JMJD1C: variants seen among roughly 807,000 people sequenced by gnomAD.
JMJD1C encodes the protein jumonji domain-containing protein 1C.
JMJD1C carries 31 observed loss-of-function variants against 245.3 expected under a neutral mutation model. The observed-to-expected ratio is 0.13, with a 90% CI of 0.09 to 0.17. The LOEUF (loss-of-function observed/expected upper bound fraction) is 0.17, where lower values mean the gene tolerates loss of function less well. Among genes scored for constraint, JMJD1C ranks in the 10% least tolerant of loss-of-function variants. The pLI is 1.00. For missense variants in JMJD1C, 2,691 were observed against 3,000.2 expected, an observed-to-expected ratio of 0.90 and a Z score of 2.41; for synonymous variants, 1,057 against 1,017.4, an observed-to-expected ratio of 1.04 and a Z score of -0.74.
chr10:63,256,442 T>G (rs1339782940), intron 3 of JMJD1C, among the ~76,000 whole-genome samples: 1 of 152,136 alleles, frequency 6.6e-6, no homozygotes, highest in African/African-American at 2.4e-5. Flanking sequence ...TACTGAATAT[T>G]AAAACATGAT....
At chr10:63,482,357 C>T (rs958226730) in intron 1 of JMJD1C, among the ~76,000 whole-genome samples, 8 of 152,076 alleles carry the variant, frequency 5.3e-5, no homozygotes, top group Non-Finnish European at 1.0e-4. Context: ...GCAAATGAGC[C>T]AGGCATGGTG....
At chr10:63,269,321 C>T in intron 2 of JMJD1C, 1 of 465,026 alleles carries the variant, frequency 2.2e-6, no homozygotes, top group Non-Finnish European at 2.8e-6. Context: ...ACTTCCAGCA[C>T]GAGTCACATT....
At chr10:63,271,444 C>T (rs770172026) in intron 2 of JMJD1C, among the ~76,000 whole-genome samples, 3 of 152,134 alleles carry the variant, frequency 2.0e-5, no homozygotes, top group African/African-American at 4.8e-5. Flanking sequence ...TCTCAAAGTG[C>T]TGGGATTACA....
chr10:63,273,081 TAA>T (rs1856483738), intron 2 of JMJD1C, among the ~76,000 whole-genome samples: 1 of 152,244 alleles, frequency 6.6e-6, no homozygotes, highest in African/African-American at 2.4e-5. Flanking sequence ...TGAATTAAAA[TAA>T]GACTGGCTTC....
intron 3 of JMJD1C, among the ~76,000 whole-genome samples, chr10:63,253,396 T>G (rs1315314193): frequency 6.6e-6 from 1 of 152,042 alleles, no homozygotes; most frequent in East Asian, 1.9e-4. Context: ...CCTTTTTTTT[T>G]TTTTTGAGAC....
At chr10:63,242,293 A>G (rs1851576113) in intron 3 of JMJD1C, among the ~76,000 whole-genome samples, 1 of 152,218 alleles carries the variant, frequency 6.6e-6, no homozygotes, top group African/African-American at 2.4e-5. Context: ...TGTCCCACAT[A>G]CGATTATCTG....
intron 1 of JMJD1C, among the ~76,000 whole-genome samples, chr10:63,411,391 C>T (rs187407115): frequency 4.6e-5 from 7 of 151,140 alleles, no homozygotes; most frequent in Admixed American, 2.0e-4. Context: ...CTCCGCCTCC[C>T]GGGGTCAAGC....
In JMJD1C at chr10:63,520,884, C is replaced by G. The variant is rs531589587; in HGVS notation, n.113+854G>C. Among the ~76,000 whole-genome samples the G allele has an allele frequency of 7.2e-5, 11 of 152,184 alleles. 1 individual carries two copies. The highest frequency in any genetic ancestry group is 1.5e-4 in the Non-Finnish European group (10 of 68,038). ...GGAGGCCTGTGCAAGAACCTCTCGA[C>G]GATTCCTTTAAAATGTGGTAATATA... is the stretch of plus-strand genomic sequence containing the variant. On this transcript the variant is annotated intron_variant and non_coding_transcript_variant, in intron 1 of 3. Transcript: ENST00000633035.
rs1334561007 is a variant in JMJD1C at position 63,465,845 on chromosome 10, A to C, written c.-183T>G. The C allele has an allele frequency of 1.4e-6, 1 of 723,970 alleles. No homozygotes were observed. Among genetic ancestry groups the C allele is most frequent in the Non-Finnish European group, 2.5e-6 (1 of 406,288 alleles). The allele number at this position is 723,970 out of a possible 1,614,324, so 44.8% of individuals were successfully genotyped here. A position where few individuals can be genotyped will look rare whatever the true frequency, so the allele number is the denominator to read the frequency against. ...CACAGCGACCTCGGGCCCTCCCCGC[A>C]AACACTCCTTTGGACTCCCAGATTC... On this transcript the variant is annotated 5_prime_UTR_variant, in exon 1 of 26. Coordinates refer to ENST00000399262, the MANE Select transcript of JMJD1C (RefSeq NM_032776.3).
At chr10:63,268,455 A>G (rs763973593) in intron 2 of JMJD1C, among the ~76,000 whole-genome samples, 2 of 152,222 alleles carry the variant, frequency 1.3e-5, no homozygotes, top group Non-Finnish European at 2.9e-5. Flanking sequence ...TTAAACAATT[A>G]AACTCGTTTT....
In JMJD1C at chr10:63,208,727, A is replaced by G; in HGVS notation, c.2942T>C (p.Leu981Pro). ...ASTSAKNDLD[L>P]NRSQTGKDCH... ...ATCTTTTCCAGTCTGTGACCTATTT[A>G]GATCCAGGTCATTTTTGGCTGATGT... The change falls in exon 10 of 26, where the codon CTA becomes CCA. Residue 981 changes from leucine to proline, a missense_variant. Physicochemically the swap from Leu to Pro is moderately conservative, Grantham distance 98 (BLOSUM62 -3). Coordinates refer to ENST00000399262, the MANE Select transcript of JMJD1C (RefSeq NM_032776.3). 3 of 1,613,602 alleles carry G rather than the reference A, an allele frequency of 1.9e-6. No individual in the cohort carries two copies. The highest frequency in any genetic ancestry group is 2.5e-6 in the Non-Finnish European group (3 of 1,179,608).
At chr10:63,350,262 A>G (rs1260976356) in intron 2 of JMJD1C, among the ~76,000 whole-genome samples, 2 of 152,098 alleles carry the variant, frequency 1.3e-5, no homozygotes, top group South Asian at 2.1e-4. Context: ...TTCTCACCCA[A>G]TATCATTAGA....
At chr10:63,313,961 T>C (rs776739824) in intron 2 of JMJD1C, among the ~76,000 whole-genome samples, 2 of 152,228 alleles carry the variant, frequency 1.3e-5, no homozygotes, top group African/African-American at 2.4e-5. Flanking sequence ...TTTTGTTGCA[T>C]TTGCTTTTGG....
chr10:63,362,398 T>C (rs1945459575), intron 2 of JMJD1C, among the ~76,000 whole-genome samples: 1 of 152,064 alleles, frequency 6.6e-6, no homozygotes, highest in Admixed American at 6.6e-5. Flanking sequence ...GCACAATTCT[T>C]GCCATCAGAT....
At chr10:63,316,541 G>A (rs1037994799) in intron 2 of JMJD1C, among the ~76,000 whole-genome samples, 1 of 152,086 alleles carries the variant, frequency 6.6e-6, no homozygotes, top group African/African-American at 2.4e-5. Flanking sequence ...TCCGCCTCCT[G>A]TGTTCAAGCG....
rs71025179 is a variant in JMJD1C, at chr10:63,450,921, G to GA, written c.168+14573dup. ...ACCCTAACAATTTCACACACACACA[G>GA]AAAAAAAAAAAAAAACTCTTAGAGC... On this transcript the variant is annotated intron_variant, in intron 1 of 25. Coordinates refer to ENST00000399262, the MANE Select transcript of JMJD1C (RefSeq NM_032776.3). 8.1e-4 allele frequency among the ~76,000 whole-genome samples: 112 copies of GA among 137,458 alleles called. No individual in the cohort carries two copies. The East Asian group carries it at 0.011, about 13-fold the overall frequency. 90.2% of individuals were successfully genotyped at this position (137,458 alleles called of 152,430 possible).
intron 21 of JMJD1C, 41 bp downstream of exon 21, chr10:63,184,566 CA>C: frequency 6.5e-7 from 1 of 1,549,708 alleles, no homozygotes; most frequent in South Asian, 1.2e-5. Flanking sequence ...TTAAAAAATC[CA>C]ATATAATTCC....
At chr10:63,257,982 T>C (rs1408863232) in intron 3 of JMJD1C, among the ~76,000 whole-genome samples, 5 of 152,158 alleles carry the variant, frequency 3.3e-5, no homozygotes, top group Admixed American at 1.3e-4. Flanking sequence ...TTGTTAGAAG[T>C]AAGCAGCAGA....
chr10:63,201,526 G>T (rs896818293), intron 10 of JMJD1C, among the ~76,000 whole-genome samples: 1 of 152,116 alleles, frequency 6.6e-6, no homozygotes, highest in Admixed American at 6.6e-5. Context: ...ATAAGTACAA[G>T]AACATTGGCT....
Sources: gnomAD v4.1 joint callset for allele counts (sites outside exome capture counted in the v4.1 genomes callset) on GRCh38, gnomAD v4.1.1 for gene constraint, MANE v1.5 for transcripts, NCBI Gene and HGNC (gene_info 2026-07-23, HGNC 2026-07-21) for gene names.